The following DMD variants were observed in gnomAD, a reference collection of about 807,000 sequenced individuals.
The protein encoded by DMD is mutant dystrophin.
Under a neutral mutation model 330.1 loss-of-function variants are expected in DMD, and 63 were observed. The observed-to-expected ratio is 0.19, with a 90% confidence interval of 0.16 to 0.24. The LOEUF is 0.24. Ranked by LOEUF, DMD falls within the 10% of genes least tolerant of loss-of-function variation. The pLI is 1.00. For synonymous variants in DMD, 1,223 were observed against 959.8 expected (o/e 1.27, Z -5.07); for missense variants, 3,344 against 2,684.1 (o/e 1.25, Z -5.43).
chrX:32,520,763 C>T (rs1199018364), intron 17 of DMD, among the ~76,000 whole-genome samples: 1 of 111,071 alleles, frequency 9.0e-6, no homozygotes, highest in African/African-American at 3.3e-5. Flanking sequence ...CACCTAAATC[C>T]TTCTCTTCAG....
chrX:31,556,077 A>G (rs1273202567), intron 55 of DMD, among the ~76,000 whole-genome samples: 2 of 110,733 alleles, frequency 1.8e-5, no homozygotes, highest in Non-Finnish European at 3.8e-5. Context: ...AAAAAAAATA[A>G]TAATAATTGG....
At chrX:31,333,305 T>A (rs778869661) in intron 61 of DMD, among the ~76,000 whole-genome samples, 323 of 111,113 alleles carry the variant, frequency 2.9e-3, no homozygotes, top group Non-Finnish European at 5.7e-3. Context: ...GCTTACTATT[T>A]TTTTTCCTAT....
intron 77 of DMD, among the ~76,000 whole-genome samples, chrX:31,132,668 A>G (rs1014217043): frequency 9.0e-6 from 1 of 111,038 alleles, no homozygotes; most frequent in African/African-American, 3.3e-5. Flanking sequence ...AAGGCAAGGA[A>G]TTTGTCATTT....
At chrX:33,257,871 T>C (rs1389197503) in intron 1 of DMD, among the ~76,000 whole-genome samples, 1 of 110,635 alleles carries the variant, frequency 9.0e-6, no homozygotes, top group Non-Finnish European at 1.9e-5. Context: ...TGCCATAGCC[T>C]CAAATACCCT....
intron 1 of DMD, chrX:33,339,207 T>A (rs1603431452): frequency 2.0e-6 from 2 of 1,023,532 alleles, no homozygotes; most frequent in East Asian, 1.2e-4. Flanking sequence ...TGCTTTGTCA[T>A]GGCCAGCTTC....
At chrX:31,880,432 A>C (rs930837968) in intron 47 of DMD, among the ~76,000 whole-genome samples, 3 of 112,076 alleles carry the variant, frequency 2.7e-5, no homozygotes, top group South Asian at 3.6e-4. Flanking sequence ...GGAAAAATCT[A>C]CTGGAAAACT....
chrX:31,371,442 A>G (rs1389515205), intron 60 of DMD, among the ~76,000 whole-genome samples: 1 of 111,826 alleles, frequency 8.9e-6, no homozygotes, highest in African/African-American at 3.3e-5. Flanking sequence ...TGGTAATAAG[A>G]AAAAAAACTA....
intron 7 of DMD, among the ~76,000 whole-genome samples, chrX:32,795,013 C>T (rs1341296227): frequency 1.8e-5 from 2 of 111,874 alleles, no homozygotes; most frequent in Admixed American, 1.9e-4. Context: ...AAGAGTACAC[C>T]AACAAATGGA....
At chrX:32,398,346 A>G (rs1013503855) in intron 30 of DMD, among the ~76,000 whole-genome samples, 20 of 106,429 alleles carry the variant, frequency 1.9e-4, no homozygotes, top group African/African-American at 6.0e-4. Flanking sequence ...GACTTTTATC[A>G]GAAATATGCA....
At chrX:31,238,899 C>A (rs2047984066) in intron 63 of DMD, among the ~76,000 whole-genome samples, 1 of 111,764 alleles carries the variant, frequency 8.9e-6, no homozygotes, top group Admixed American at 9.5e-5. Context: ...AGGGAGTGAC[C>A]AGGAATGTAA....
At chrX:31,659,254 A>C (rs2080969664) in intron 53 of DMD, among the ~76,000 whole-genome samples, 1 of 111,734 alleles carries the variant, frequency 8.9e-6, no homozygotes, top group Non-Finnish European at 1.9e-5. Context: ...TTGACTCAAT[A>C]ATCTCACTTT....
chrX:32,124,159 C>T (rs2096650778), intron 44 of DMD, among the ~76,000 whole-genome samples: 1 of 112,339 alleles, frequency 8.9e-6, no homozygotes, highest in Non-Finnish European at 1.9e-5. Context: ...AGTTAGCATA[C>T]AACAGGCAAT....
chrX:33,058,475 T>TATG lies in DMD; in HGVS notation c.32-38276_32-38275insCAT, dbSNP rs55920761. Among the ~76,000 whole-genome samples, 85 of 103,002 alleles carry TATG rather than the reference T, an allele frequency of 8.3e-4. No individual in the cohort carries two copies. The South Asian group carries it at 0.012, about 15-fold the overall frequency. 89.4% of individuals were successfully genotyped at this position (103,002 alleles called of 115,157 possible). ...AATTTTGATTATTATTATTTTATTT[T>TATG]TTTTTTTTGTAGAGATGAGGTCAAA... On this transcript the variant is annotated intron_variant, in intron 1 of 78. Transcript: ENST00000357033.
intron 6 of DMD, among the ~76,000 whole-genome samples, chrX:32,815,555 A>G (rs1353995815): frequency 1.9e-5 from 2 of 102,914 alleles, no homozygotes; most frequent in African/African-American, 7.2e-5. Flanking sequence ...ACATATATAG[A>G]GTATAAATGG....
intron 42 of DMD, among the ~76,000 whole-genome samples, chrX:32,298,777 G>C (rs1435615746): frequency 9.0e-6 from 1 of 110,933 alleles, no homozygotes; most frequent in African/African-American, 3.3e-5. Flanking sequence ...CAAGTTGGGA[G>C]CATAGATTCA....
intron 30 of DMD, among the ~76,000 whole-genome samples, chrX:32,394,921 A>AAAAAAC (rs1557326845): frequency 4.7e-5 from 3 of 63,759 alleles, no homozygotes; most frequent in Non-Finnish European, 8.9e-5. Context: ...AAAAACAAAA[A>AAAAAAC]AAAAAAAAAA....
chrX:32,035,074 A>G (rs1163505155), intron 44 of DMD, among the ~76,000 whole-genome samples: 1 of 111,738 alleles, frequency 8.9e-6, no homozygotes, highest in Non-Finnish European at 1.9e-5. Flanking sequence ...GATATTGTCC[A>G]TGTTCATATC....
At chrX:32,503,646 C>T (rs2044295796) in intron 18 of DMD, among the ~76,000 whole-genome samples, 1 of 111,045 alleles carries the variant, frequency 9.0e-6, no homozygotes, top group African/African-American at 3.3e-5. Context: ...ACCTCTGCCT[C>T]CCGGGTTCAA....
chrX:31,400,140 T>C (rs966306670), intron 60 of DMD, among the ~76,000 whole-genome samples: 1 of 111,404 alleles, frequency 9.0e-6, no homozygotes, highest in African/African-American at 3.3e-5. Flanking sequence ...TCTTGGGGCC[T>C]CAAAATCACC....
Sources: allele counts gnomAD v4.1 joint callset (sites outside exome capture counted in the v4.1 genomes callset), GRCh38; gene constraint gnomAD v4.1.1; transcripts MANE v1.5; gene names NCBI Gene and HGNC (gene_info 2026-07-23, HGNC 2026-07-21).